CALD1: variants seen among roughly 807,000 people sequenced by gnomAD.
CALD1 encodes the protein caldesmon.
Under a neutral mutation model 99.9 loss-of-function variants are expected in CALD1, and 33 were observed. That is an observed-to-expected ratio of 0.33 (90% CI 0.25 to 0.44). CALD1 has a LOEUF of 0.44. CALD1 is among the 20% of genes least tolerant of loss of function. The pLI is 1.00. For synonymous variants in CALD1, 310 were observed against 325.0 expected, an observed-to-expected ratio of 0.95 and a Z score of 0.50; for missense variants, 861 against 962.1, an observed-to-expected ratio of 0.89 and a Z score of 1.39.
In CALD1 at chr7:134,830,247, T is replaced by C. The variant is rs967002507; in HGVS notation, c.-129-13637T>C. On this transcript the variant is annotated intron_variant, in intron 1 of 14. Transcript: ENST00000361675. ...CAAACCACCAGAGGCTCTACTATGATGTGTGTTATCTCACTCGTAGAATTT... is the reference window on the plus strand; with the variant it reads ...CAAACCACCAGAGGCTCTACTATGACGTGTGTTATCTCACTCGTAGAATTT... 7.3e-4 allele frequency among the ~76,000 whole-genome samples: 111 copies of C among 152,346 alleles called. 1 individual carries two copies. Among genetic ancestry groups the C allele is most frequent in the Non-Finnish European group, 7.4e-5 (5 of 68,020 alleles).
chr7:134,823,210 C>T (rs368578731), intron 1 of CALD1, among the ~76,000 whole-genome samples: 3 of 151,998 alleles, frequency 2.0e-5, no homozygotes, highest in South Asian at 4.2e-4. Context: ...AGCTAAGGCC[C>T]GAAGCACTGA....
chr7:134,917,131 C>A (rs774982695), intron 3 of CALD1, among the ~76,000 whole-genome samples: 1 of 152,148 alleles, frequency 6.6e-6, no homozygotes, highest in Non-Finnish European at 1.5e-5. Flanking sequence ...TATAGTGCTG[C>A]CAGCCATCGA....
At chr7:134,761,215 T>A (rs1241090452) in intron 1 of CALD1, among the ~76,000 whole-genome samples, 1 of 152,204 alleles carries the variant, frequency 6.6e-6, no homozygotes, top group East Asian at 1.9e-4. Context: ...TTATTTTTAC[T>A]TCTCCCTAAC....
At chr7:134,745,230 C>T (rs1796624592) in intron 1 of CALD1, among the ~76,000 whole-genome samples, 1 of 152,198 alleles carries the variant, frequency 6.6e-6, no homozygotes, top group African/African-American at 2.4e-5. Context: ...AAATACCTCC[C>T]TTATTTTCTC....
At chr7:134,815,099 T>C (rs559297147) in intron 1 of CALD1, among the ~76,000 whole-genome samples, 2 of 152,296 alleles carry the variant, frequency 1.3e-5, no homozygotes, top group African/African-American at 4.8e-5. Context: ...ACAGTACTTT[T>C]GACTAGGTTG....
At chr7:134,750,441 A>G (rs1255657016) in intron 1 of CALD1, among the ~76,000 whole-genome samples, 1 of 152,198 alleles carries the variant, frequency 6.6e-6, no homozygotes, top group Non-Finnish European at 1.5e-5. Flanking sequence ...TTTCTTTCCT[A>G]GTAGAACCAT....
chr7:134,920,090 T>C (rs1322548144), intron 3 of CALD1, among the ~76,000 whole-genome samples: 1 of 152,252 alleles, frequency 6.6e-6, no homozygotes, highest in Non-Finnish European at 1.5e-5. Context: ...TTCTATAAAC[T>C]TCTTTTAACT....
At chr7:134,721,960 A>C in the CALD1 span, among the ~76,000 whole-genome samples, 1 of 152,108 alleles carries the variant, frequency 6.6e-6, no homozygotes, top group Non-Finnish European at 1.5e-5. Context: ...GTGTGACTCT[A>C]CCCTGAAGAT....
chr7:134,920,629 T>C, intron 3 of CALD1: 1 of 1,289,332 alleles, frequency 7.8e-7, no homozygotes, highest in Non-Finnish European at 1.0e-6. Context: ...CACTGCCTTC[T>C]CTCAAATGAC....
the CALD1 span, among the ~76,000 whole-genome samples, chr7:134,722,360 T>C: frequency 6.6e-6 from 1 of 152,184 alleles, no homozygotes; most frequent in Non-Finnish European, 1.5e-5. Context: ...TCTTTCCAAC[T>C]TTGTGCTGTG....
At chr7:134,807,101 C>A (rs1419434525) in intron 1 of CALD1, among the ~76,000 whole-genome samples, 1 of 152,154 alleles carries the variant, frequency 6.6e-6, no homozygotes, top group African/African-American at 2.4e-5. Context: ...GGAGAAGCAT[C>A]ATCATGGGCA....
chr7:134,769,480 T>C (rs893540197), intron 1 of CALD1, among the ~76,000 whole-genome samples: 2 of 152,240 alleles, frequency 1.3e-5, no homozygotes, highest in Non-Finnish European at 2.9e-5. Flanking sequence ...ATTTTTCTGA[T>C]GACTAATGAA....
At chr7:134,755,495 A>G (rs541648075) in intron 1 of CALD1, among the ~76,000 whole-genome samples, 2 of 152,202 alleles carry the variant, frequency 1.3e-5, no homozygotes, top group East Asian at 3.9e-4. Flanking sequence ...CACTTCCCAT[A>G]TTCTTTGCCC....
chr7:134,832,584 C>T (rs1367101432), intron 1 of CALD1, among the ~76,000 whole-genome samples: 1 of 152,162 alleles, frequency 6.6e-6, no homozygotes, highest in Admixed American at 6.5e-5. Context: ...TCCTGGATTT[C>T]CCTTGTTTGG....
intron 3 of CALD1, among the ~76,000 whole-genome samples, chr7:134,878,331 G>A (rs1586180747): frequency 1.3e-5 from 2 of 152,154 alleles, no homozygotes; most frequent in East Asian, 3.9e-4. Flanking sequence ...CACTTTGGGA[G>A]GCTGAGGCGG....
chr7:134,921,118 C>T (rs1009998912), intron 3 of CALD1, among the ~76,000 whole-genome samples: 9 of 152,152 alleles, frequency 5.9e-5, no homozygotes, highest in South Asian at 2.1e-4. Flanking sequence ...TGTTCTCTAG[C>T]GGTGAAGATT....
At chr7:134,882,310 T>G (rs1801643459) in intron 3 of CALD1, among the ~76,000 whole-genome samples, 1 of 152,212 alleles carries the variant, frequency 6.6e-6, no homozygotes, top group Admixed American at 6.5e-5. Context: ...ACTCCATATC[T>G]TTTCTCCAGA....
At chr7:134,898,698 C>T (rs567835854) in intron 3 of CALD1, among the ~76,000 whole-genome samples, 4 of 152,142 alleles carry the variant, frequency 2.6e-5, no homozygotes, top group Admixed American at 6.5e-5. Context: ...CTCAGCCTCC[C>T]GAGTAGCTGG....
At chr7:134,926,209 C>G (rs1805004925) in intron 3 of CALD1, among the ~76,000 whole-genome samples, 1 of 152,134 alleles carries the variant, frequency 6.6e-6, no homozygotes, top group African/African-American at 2.4e-5. Context: ...AATGCTTTGC[C>G]ACAACATATC....
Sources: gnomAD v4.1 joint callset for allele counts (sites outside exome capture counted in the v4.1 genomes callset) on GRCh38, gnomAD v4.1.1 for gene constraint, MANE v1.5 for transcripts, NCBI Gene and HGNC (gene_info 2026-07-23, HGNC 2026-07-21) for gene names.